The following DOCK3 variants were observed in gnomAD, a reference collection of about 807,000 sequenced individuals.
The protein encoded by DOCK3 is dedicator of cytokinesis protein 3.
A neutral mutation model predicts 265.6 loss-of-function variants in DOCK3; 60 were observed. The ratio of observed to expected loss-of-function variants is 0.23; its 90% CI spans 0.18 to 0.28. The LOEUF is 0.28. Among genes scored for constraint, DOCK3 ranks in the 10% least tolerant of loss-of-function variants. The pLI, the probability that DOCK3 is intolerant of heterozygous loss-of-function variation, is 1.00. For missense variants in DOCK3, 1,981 were observed against 2,594.3 expected (o/e 0.76, Z 5.14); for synonymous variants, 881 against 938.0 (o/e 0.94, Z 1.11).
intron 1 of DOCK3, among the ~76,000 whole-genome samples, chr3:50,701,663 A>C (rs548926635): frequency 7.8e-4 from 119 of 151,808 alleles, no homozygotes; most frequent in African/African-American, 2.0e-3. Context: ...CTTTGTGTAG[A>C]CCAATGTTTT....
intron 5 of DOCK3, among the ~76,000 whole-genome samples, chr3:51,019,535 G>A (rs2079498168): frequency 6.6e-6 from 1 of 151,830 alleles, no homozygotes; most frequent in Non-Finnish European, 1.5e-5. Context: ...ATAAACGTGT[G>A]CTGTGGTGCT....
At chr3:50,960,034 C>T (rs911611119) in intron 5 of DOCK3, among the ~76,000 whole-genome samples, 2 of 152,156 alleles carry the variant, frequency 1.3e-5, no homozygotes, top group African/African-American at 4.8e-5. Flanking sequence ...TTATTCGTGT[C>T]ATTGCATGAA....
chr3:51,311,928 T>TACCA (rs2083086228), intron 28 of DOCK3, 76 bp from the exon 29 acceptor site: 1 of 1,131,394 alleles, frequency 8.8e-7, no homozygotes, highest in Non-Finnish European at 1.3e-6. Context: ...ACACAGGCTA[T>TACCA]AGACAGCTGA....
intron 1 of DOCK3, among the ~76,000 whole-genome samples, chr3:50,766,438 C>T (rs1455380758): frequency 6.6e-6 from 1 of 152,100 alleles, no homozygotes; most frequent in African/African-American, 2.4e-5. Flanking sequence ...CATGTCCCTA[C>T]AAAGGACATG....
chr3:50,942,782 T>G (rs1383779367), intron 5 of DOCK3, among the ~76,000 whole-genome samples: 1 of 152,048 alleles, frequency 6.6e-6, no homozygotes, highest in East Asian at 1.9e-4. Flanking sequence ...TTCAAATAAC[T>G]TTCATATGTT....
chr3:51,117,222 A>G lies in DOCK3; in HGVS notation c.746+26838A>G, dbSNP rs2083780323. Among the ~76,000 whole-genome samples, 9 of 152,120 alleles carry G rather than the reference A, an allele frequency of 5.9e-5. 1 individual carries two copies. Among genetic ancestry groups the G allele is most frequent in the Admixed American group, 5.9e-4 (9 of 15,278 alleles). ...CTTTTCTGCATCTATTTAGATAATC[A>G]TGTGGTTTTTGTCATTGGTTCTGTG... is the stretch of plus-strand genomic sequence containing the variant. On this transcript the variant is annotated intron_variant, in intron 9 of 52. Transcript: ENST00000266037.
intron 9 of DOCK3, among the ~76,000 whole-genome samples, chr3:51,118,159 C>G (rs545316860): frequency 8.9e-4 from 135 of 152,246 alleles, no homozygotes; most frequent in African/African-American, 3.2e-3. Flanking sequence ...TACATTGTAT[C>G]TTTGTTCTCA....
intron 10 of DOCK3, among the ~76,000 whole-genome samples, chr3:51,151,946 C>T (rs1398171386): frequency 6.6e-6 from 1 of 152,160 alleles, no homozygotes; most frequent in Non-Finnish European, 1.5e-5. Flanking sequence ...TTCATTTCAA[C>T]TTTGGTGAAT....
intron 12 of DOCK3, among the ~76,000 whole-genome samples, chr3:51,162,608 G>A (rs1434080720): frequency 6.6e-6 from 1 of 152,166 alleles, no homozygotes; most frequent in Non-Finnish European, 1.5e-5. Context: ...AAGGGCAAGG[G>A]ATTTATAGAT....
In DOCK3 at chr3:50,868,006, T is replaced by C. The variant is rs146167120; in HGVS notation, c.163-22020T>C. On this transcript the variant is annotated intron_variant, in intron 3 of 52. Coordinates refer to ENST00000266037, the MANE Select transcript of DOCK3 (RefSeq NM_004947.5). ...ATATTTAAAGAAGATTGGTATTAGT[T>C]CTTCTTTAAATGTTAGGTAGAATTC... Among the ~76,000 whole-genome samples, 4 of 152,286 alleles carry C rather than the reference T, an allele frequency of 2.6e-5. No homozygotes were observed. In the East Asian group the frequency reaches 7.7e-4, roughly 29 times the overall value.
intron 4 of DOCK3, 52 bp from the exon 5 acceptor site, chr3:50,933,929 C>T: frequency 7.8e-7 from 1 of 1,274,812 alleles, no homozygotes; most frequent in African/African-American, 1.5e-5. Flanking sequence ...AGACAGTTTG[C>T]CGAGATTTTT....
At chr3:51,186,755 C>T (rs2087628526) in intron 12 of DOCK3, among the ~76,000 whole-genome samples, 1 of 152,204 alleles carries the variant, frequency 6.6e-6, no homozygotes, top group African/African-American at 2.4e-5. Context: ...AACCTTGGGC[C>T]GTGGCTTCAA....
chr3:50,857,513 A>G (rs2046660156), intron 3 of DOCK3, among the ~76,000 whole-genome samples: 1 of 152,222 alleles, frequency 6.6e-6, no homozygotes, highest in African/African-American at 2.4e-5. Context: ...ACAGAATGGG[A>G]GAACATTTTT....
intron 12 of DOCK3, 109 bp downstream of exon 12, chr3:51,160,811 T>A: frequency 7.4e-7 from 1 of 1,347,250 alleles, no homozygotes; most frequent in Non-Finnish European, 9.9e-7. Context: ...ACGCAGTGGC[T>A]CACGCCTGTA....
At chr3:51,314,863 C>A in intron 31 of DOCK3, 117 bp from the exon 32 acceptor site, 1 of 1,241,590 alleles carries the variant, frequency 8.1e-7, no homozygotes, top group Non-Finnish European at 1.1e-6. Flanking sequence ...TAGGGGAGAG[C>A]TTGTTTTGCT....
chr3:50,853,553 A>T (rs115981680), intron 3 of DOCK3, among the ~76,000 whole-genome samples: 6,694 of 152,104 alleles, frequency 0.044, 189 homozygotes, highest in Non-Finnish European at 0.068. Context: ...TATAAGTGAG[A>T]ACTTGTGGTA....
rs782544247 is a variant in DOCK3, at chr3:51,383,378, C to CA, written c.*1820dup. The CA allele has an allele frequency of 2.6e-5, 4 of 152,622 alleles. No individual in the cohort carries two copies. The highest frequency in any genetic ancestry group is 5.9e-5 in the Non-Finnish European group (4 of 68,078). The allele number at this position is 152,622 out of a possible 1,614,324, so 9.5% of individuals were successfully genotyped here. A position where few individuals can be genotyped will look rare whatever the true frequency, so the allele number is the denominator to read the frequency against. ...CACCTCAAAGGGCTGGCCTGCTTCT[C>CA]AGCCTACATTCATTTGCAAGCTTCA... is the stretch of plus-strand genomic sequence containing the variant. On this transcript the variant is annotated 3_prime_UTR_variant, in exon 53 of 53. Coordinates refer to ENST00000266037, the MANE Select transcript of DOCK3 (RefSeq NM_004947.5).
At chr3:51,009,532 C>T (rs1452134113) in intron 5 of DOCK3, among the ~76,000 whole-genome samples, 1 of 152,046 alleles carries the variant, frequency 6.6e-6, no homozygotes, top group Non-Finnish European at 1.5e-5. Flanking sequence ...TTCTTGCTAG[C>T]AGTCTATCAA....
At chr3:51,011,890 T>G (rs1379193344) in intron 5 of DOCK3, among the ~76,000 whole-genome samples, 1 of 152,174 alleles carries the variant, frequency 6.6e-6, no homozygotes, top group Admixed American at 6.5e-5. Flanking sequence ...GGAGGTCCAC[T>G]CCAGATCCTG....
Sources: gnomAD v4.1 joint callset for allele counts (sites outside exome capture counted in the v4.1 genomes callset) on GRCh38, gnomAD v4.1.1 for gene constraint, MANE v1.5 for transcripts, NCBI Gene and HGNC (gene_info 2026-07-23, HGNC 2026-07-21) for gene names.